Variants in NCOA6 observed in about 807,000 individuals in gnomAD.
NCOA6 encodes NRC RAP250.
A neutral mutation model predicts 171.4 loss-of-function variants in NCOA6; 49 were observed. The observed-to-expected ratio is 0.29, with a 90% CI of 0.23 to 0.36. NCOA6 has a LOEUF of 0.36. Ranked by LOEUF, NCOA6 falls within the 10% of genes least tolerant of loss-of-function variation. NCOA6 has a pLI of 1.00. For missense variants in NCOA6, 2,248 were observed against 2,554.5 expected, an observed-to-expected ratio of 0.88 and a Z score of 2.59; for synonymous variants, 910 against 927.5, an observed-to-expected ratio of 0.98 and a Z score of 0.34.
chr20:34,741,896 G>A lies in NCOA6; in HGVS notation c.4360C>T (p.Pro1454Ser), dbSNP rs1002095349. 4 of 1,614,112 alleles carry A rather than the reference G, an allele frequency of 2.5e-6. No individual in the cohort carries two copies. The highest frequency in any genetic ancestry group is 2.2e-5 in the East Asian group (1 of 44,870). ...CCATCCTTTTTGGACTGATCTTCAG[G>A]GACAACCATTTTAACTTCTTGGGCA... is the stretch of plus-strand genomic sequence containing the variant. ...VPAQEVKMVV[P>S]EDQSKKDGQP... is the part of the protein sequence containing the mutation. Residue 1454 changes from proline to serine, a missense_variant, in exon 11 of 15, where the codon CCT becomes TCT. Transcript: ENST00000359003.
intron 1 of NCOA6, among the ~76,000 whole-genome samples, chr20:34,792,776 A>ATTTTTTTTTTTTTTTTTTTTTTTTTTTTT (rs35924752): frequency 8.9e-6 from 1 of 112,318 alleles, no homozygotes. Flanking sequence ...ATCTTTTCTG[A>ATTTTTTTTTTTTTTTTTTTTTTTTTTTTT]TTTTTTTTTT....
chr20:34,789,401 C>T (rs2077792212), intron 2 of NCOA6, among the ~76,000 whole-genome samples: 1 of 152,216 alleles, frequency 6.6e-6, no homozygotes, highest in South Asian at 2.1e-4. Flanking sequence ...AAATGCCTGA[C>T]ATTGTATTTA....
chr20:34,758,870 G>A lies in NCOA6; in HGVS notation c.578C>T (p.Ser193Phe). ...MIPPGGNVSS[S>F]MMAPGPNPEL... is the part of the protein sequence containing the mutation. Reference sequence around the variant, plus strand: ...TGGATTGGGGCCTGGTGCCATCATGGAAGATGACACATTTCCACCCGGGGG... The same window carrying A: ...TGGATTGGGGCCTGGTGCCATCATGAAAGATGACACATTTCCACCCGGGGG... Residue 193 changes from serine to phenylalanine, a missense_variant, in exon 6 of 15, where the codon TCC becomes TTC. Coordinates refer to ENST00000359003, the MANE Select transcript of NCOA6 (RefSeq NM_014071.5). 1 of 1,613,680 alleles carries A rather than the reference G, an allele frequency of 6.2e-7. No homozygotes were observed. Among genetic ancestry groups the A allele is most frequent in the Non-Finnish European group, 8.5e-7 (1 of 1,179,882 alleles).
At chr20:34,796,991 G>A (rs998356992) in intron 1 of NCOA6, among the ~76,000 whole-genome samples, 6 of 152,032 alleles carry the variant, frequency 3.9e-5, no homozygotes, top group Admixed American at 2.0e-4. Context: ...CCTCTTAAAC[G>A]CTTAGTATCA....
chr20:34,773,670 C>A lies in NCOA6; in HGVS notation c.391+2623G>T, dbSNP rs2077221707. The stretch of plus-strand genomic sequence containing the variant: ...TCCCGAGTAGCTGGGACTATAGGCA[C>A]GCCCCACCATGCTCGGCTAATTTTT... On this transcript the variant is annotated intron_variant, in intron 4 of 14. Transcript: ENST00000359003. Among the ~76,000 whole-genome samples, 4 of 152,300 alleles carry A rather than the reference C, an allele frequency of 2.6e-5. No homozygotes were observed. In the South Asian group the frequency reaches 6.2e-4, roughly 24 times the overall value.
chr20:34,760,039 A>G (rs1161190165), intron 5 of NCOA6, among the ~76,000 whole-genome samples: 1 of 152,156 alleles, frequency 6.6e-6, no homozygotes. Flanking sequence ...GAGCTTTTGG[A>G]GGCCAAGGTG....
intron 14 of NCOA6, among the ~76,000 whole-genome samples, chr20:34,723,651 C>G (rs1989632754): frequency 6.6e-6 from 1 of 152,234 alleles, no homozygotes; most frequent in Non-Finnish European, 1.5e-5. Flanking sequence ...AACATCACCA[C>G]TGCCACGGTG....
intron 12 of NCOA6, among the ~76,000 whole-genome samples, chr20:34,733,558 C>G (rs2075851617): frequency 6.6e-6 from 1 of 152,152 alleles, no homozygotes. Flanking sequence ...TCACATTACC[C>G]ACTTCAAAGT....
At chr20:34,751,483 T>C (rs1478921141) in intron 8 of NCOA6, among the ~76,000 whole-genome samples, 3 of 151,480 alleles carry the variant, frequency 2.0e-5, no homozygotes, top group Non-Finnish European at 2.9e-5. Flanking sequence ...TAATAATGAC[T>C]CTCAAAAGCT....
intron 12 of NCOA6, among the ~76,000 whole-genome samples, chr20:34,735,551 G>C (rs1296442333): frequency 2.0e-5 from 3 of 151,940 alleles, no homozygotes. Flanking sequence ...GGCTGAGGCA[G>C]GAGAATGGTG....
chr20:34,787,761 C>T (rs1432282067), intron 2 of NCOA6, among the ~76,000 whole-genome samples: 1 of 152,136 alleles, frequency 6.6e-6, no homozygotes, highest in Non-Finnish European at 1.5e-5. Context: ...TCTATTGAAG[C>T]TGCAGTGTTA....
At chr20:34,739,725 G>A (rs2076072287) in intron 11 of NCOA6, among the ~76,000 whole-genome samples, 1 of 152,170 alleles carries the variant, frequency 6.6e-6, no homozygotes, top group East Asian at 1.9e-4. Flanking sequence ...CCCATACAAT[G>A]GGGTTAAGAA....
At chr20:34,776,786 A>G (rs1480777519) in intron 3 of NCOA6, 2 of 471,866 alleles carry the variant, frequency 4.2e-6, no homozygotes, top group South Asian at 1.5e-5. Context: ...ATGAACGGAA[A>G]GCCGTAAGAT....
chr20:34,782,219 G>C lies in NCOA6; in HGVS notation c.137C>G (p.Ser46Cys). 6.2e-7 allele frequency: 1 copy of C among 1,612,462 alleles called. No individual in the cohort carries two copies. The highest frequency in any genetic ancestry group is 8.5e-7 in the Non-Finnish European group (1 of 1,179,208). Reference sequence around the variant, plus strand: ...TCCTTTGAAGGCCACAAAAATTGTGGAATCCTCCAAAATACTATCACTTTT... The same window carrying C: ...TCCTTTGAAGGCCACAAAAATTGTGCAATCCTCCAAAATACTATCACTTTT... ...DTKSDSILED[S>C]TIFVAFKGNI... The change falls in exon 3 of 15, where the codon TCC becomes TGC. Residue 46 changes from serine (S) to cysteine (C), a missense_variant. Around this residue, in one of 7 missense-constraint regions of NCOA6, gnomAD observed 987 missense variants for 1,104.7 expected, o/e 0.89. Coordinates refer to ENST00000359003, the MANE Select transcript of NCOA6 (RefSeq NM_014071.5).
In NCOA6 at chr20:34,807,491, T is replaced by C. The variant is rs183948570; in HGVS notation, c.-163-14928A>G. ...GCAACAATAAATAACTATTGTACCC[T>C]ACATGGAAATCCTGCTGAATAAACT... On this transcript the variant is annotated intron_variant, in intron 1 of 14. Coordinates refer to ENST00000359003, the MANE Select transcript of NCOA6 (RefSeq NM_014071.5). Among the ~76,000 whole-genome samples the C allele has an allele frequency of 1.4e-3, 215 of 152,314 alleles. 1 individual carries two copies. The highest frequency in any genetic ancestry group is 5.0e-3 in the African/African-American group (206 of 41,586).
rs371735313 is a variant in NCOA6 at position 34,727,458 on chromosome 20, A to G, written c.6000-51T>C. 3.1e-4 allele frequency: 491 copies of G among 1,595,968 alleles called. 1 individual carries two copies. The highest frequency in any genetic ancestry group is 3.6e-5 in the Non-Finnish European group (42 of 1,167,860). On this transcript the variant is annotated intron_variant, in intron 13 of 14. Coordinates refer to ENST00000359003, the MANE Select transcript of NCOA6 (RefSeq NM_014071.5). Reference sequence around the variant, plus strand: ...CAAGCAGGTGAGGGAACCAGGCCACACAAAAAACGGGCTCTTCAGATAGTT... The same window carrying G: ...CAAGCAGGTGAGGGAACCAGGCCACGCAAAAAACGGGCTCTTCAGATAGTT...
At position 34,743,269 on chromosome 20, in the gene NCOA6, G is replaced by T. The variant is rs556666321; in HGVS notation, c.2987C>A (p.Pro996His). 1 of 1,613,952 alleles carries T rather than the reference G, an allele frequency of 6.2e-7. No homozygotes were observed. Among genetic ancestry groups the T allele is most frequent in the Non-Finnish European group, 8.5e-7 (1 of 1,179,992 alleles). Reference protein sequence around the residue: ...MPPQLMQHVAPPPQPPQQQPQ... With the variant: ...MPPQLMQHVAHPPQPPQQQPQ... Reference sequence around the variant, plus strand: ...CTGCTGCTGTGGTGGCTGTGGTGGGGGTGCCACATGCTGCATGAGTTGAGG... The same window carrying T: ...CTGCTGCTGTGGTGGCTGTGGTGGGTGTGCCACATGCTGCATGAGTTGAGG... Residue 996 changes from proline to histidine, a missense_variant, in exon 11 of 15, where the codon CCC (proline) becomes CAC (histidine). Physicochemically the swap from Pro to His is moderately conservative, Grantham distance 77 (BLOSUM62 -2). Coordinates refer to ENST00000359003, the MANE Select transcript of NCOA6 (RefSeq NM_014071.5).
chr20:34,761,232 A>T lies in NCOA6; in HGVS notation c.515-2299T>A, dbSNP rs561532694. Among the ~76,000 whole-genome samples, 179 of 152,292 alleles carry T rather than the reference A, an allele frequency of 1.2e-3. 2 individuals are homozygous for T. The Middle Eastern group carries it at 0.024, about 20-fold the overall frequency. On this transcript the variant is annotated intron_variant, in intron 5 of 14. Transcript: ENST00000359003. ...CCCTCATAACTTACAGCTCTGCTCA[A>T]TTCTTAAGTCAGACACTTAGCTTGT... is the stretch of plus-strand genomic sequence containing the variant.
At position 34,820,084 on chromosome 20, in the gene NCOA6, T is replaced by C. The variant is rs1394345643; in HGVS notation, c.-164+5388A>G. 2.6e-5 allele frequency: 4 copies of C among 152,218 alleles called. No individual in the cohort carries two copies. The East Asian group carries it at 7.7e-4, about 29-fold the overall frequency. The allele number at this position is 152,218 out of a possible 1,614,324, so 9.4% of individuals were successfully genotyped here. A position where few individuals can be genotyped will look rare whatever the true frequency, so the allele number is the denominator to read the frequency against. The stretch of plus-strand genomic sequence containing the variant: ...AAGATCTAACCATTGAAAACAACAG[T>C]AGGTATTCCAGAATATAAAGAATAA... On this transcript the variant is annotated intron_variant, in intron 1 of 14. Transcript: ENST00000359003.
Sources: gnomAD v4.1 joint callset for allele counts (sites outside exome capture counted in the v4.1 genomes callset) on GRCh38, gnomAD v4.1.1 for gene constraint, gnomAD v4.1.1 regional missense constraint, MANE v1.5 for transcripts, NCBI Gene and HGNC (gene_info 2026-07-23, HGNC 2026-07-21) for gene names.